The following ATP8A1 variants were observed in gnomAD, a reference collection of about 807,000 sequenced individuals.
ATP8A1 encodes ATPase phospholipid transporting 8A1, also known as phospholipid-transporting ATPase IA.
A neutral mutation model predicts 177.7 loss-of-function variants in ATP8A1; 90 were observed. That is an observed-to-expected ratio of 0.51 (90% CI 0.43 to 0.60). The LOEUF (loss-of-function observed/expected upper bound fraction) is 0.60. Ranked by LOEUF, ATP8A1 falls within the 20% of genes least tolerant of loss-of-function variation. The pLI, the probability that ATP8A1 is intolerant of heterozygous loss-of-function variation, is 0.00. For missense variants in ATP8A1, 1,072 were observed against 1,392.8 expected (o/e 0.77, Z 3.67); for synonymous variants, 493 against 485.9 (o/e 1.01, Z -0.19).
rs755973839 is a variant in ATP8A1, at chr4:42,581,633, G to C, written c.822C>G (p.Thr274=). 4 of 1,613,374 alleles carry C rather than the reference G, an allele frequency of 2.5e-6. No homozygotes were observed. Among genetic ancestry groups the C allele is most frequent in the Middle Eastern group, 1.6e-4 (1 of 6,062 alleles). The change falls in exon 10 of 37, where the codon ACC becomes ACG. Residue 274 remains threonine, a synonymous_variant. Transcript: ENST00000381668. ...AGAAAAATTTCACCTGCATCAGCTTGGTGTCATGTCCAGTGTAGACAACTA... is the reference window on the plus strand; with the variant it reads ...AGAAAAATTTCACCTGCATCAGCTTCGTGTCATGTCCAGTGTAGACAACTA... ...HGIVVYTGHD[T]KLMQNSTSPP...
At chr4:42,545,803 A>C (rs1157245032) in intron 19 of ATP8A1, among the ~76,000 whole-genome samples, 1 of 152,056 alleles carries the variant, frequency 6.6e-6, no homozygotes, top group Non-Finnish European at 1.5e-5. Flanking sequence ...GTGAAACCCT[A>C]TCTCTACTAA....
At chr4:42,515,381 G>C (rs1280472313) in intron 22 of ATP8A1, among the ~76,000 whole-genome samples, 2 of 152,188 alleles carry the variant, frequency 1.3e-5, no homozygotes, top group Non-Finnish European at 2.9e-5. Context: ...CTGTGAACTT[G>C]GCAGTCATGA....
chr4:42,581,738 A>T lies in ATP8A1; in HGVS notation c.723-6T>A, dbSNP rs767425186. 1.9e-6 allele frequency: 3 copies of T among 1,604,044 alleles called. No homozygotes were observed. Among genetic ancestry groups the T allele is most frequent in the Admixed American group, 3.4e-5 (2 of 59,556 alleles). The stretch of plus-strand genomic sequence containing the variant: ...CTGCTCCCAGTGGAACGGTGCTAGG[A>T]CAGATTACGTTGACATTAGAAACAG... On this transcript the variant is annotated splice_region_variant and splice_polypyrimidine_tract_variant and intron_variant, in intron 9 of 36. Transcript: ENST00000381668.
At chr4:42,456,614 C>T (rs1260382383) in intron 27 of ATP8A1, among the ~76,000 whole-genome samples, 3 of 152,060 alleles carry the variant, frequency 2.0e-5, no homozygotes, top group Admixed American at 2.0e-4. Context: ...ATAGTACCTA[C>T]GTTATTGTTT....
chr4:42,581,615 T>C lies in ATP8A1; in HGVS notation c.834+6A>G. The stretch of plus-strand genomic sequence containing the variant: ...GTCCAAAAGGTTTCATAGAGAAAAA[T>C]TTCACCTGCATCAGCTTGGTGTCAT... On this transcript the variant is annotated splice_donor_region_variant and intron_variant, in intron 10 of 36. Transcript: ENST00000381668. The C allele has an allele frequency of 6.2e-7, 1 of 1,609,762 alleles. No individual in the cohort carries two copies. Among genetic ancestry groups the C allele is most frequent in the Non-Finnish European group, 8.5e-7 (1 of 1,176,138 alleles).
At chr4:42,444,906 C>T (rs1287854135) in intron 31 of ATP8A1, among the ~76,000 whole-genome samples, 1 of 152,182 alleles carries the variant, frequency 6.6e-6, no homozygotes, top group Admixed American at 6.5e-5. Context: ...CCACGAGTTC[C>T]TCTGTATGTG....
chr4:42,472,776 A>G (rs1308980328), intron 25 of ATP8A1, among the ~76,000 whole-genome samples: 3 of 149,002 alleles, frequency 2.0e-5, no homozygotes. Context: ...AGAGAAAAAG[A>G]AAAAAAAGAG....
intron 5 of ATP8A1, among the ~76,000 whole-genome samples, chr4:42,608,110 T>C (rs1199863293): frequency 6.6e-6 from 1 of 152,216 alleles, no homozygotes; most frequent in East Asian, 1.9e-4. Context: ...ACAGCTTTGT[T>C]GTAATAGGTT....
At chr4:42,526,126 A>G (rs1385025578) in intron 20 of ATP8A1, among the ~76,000 whole-genome samples, 1 of 152,214 alleles carries the variant, frequency 6.6e-6, no homozygotes, top group African/African-American at 2.4e-5. Context: ...AGTGATAAGT[A>G]ATATAGCTAA....
intron 15 of ATP8A1, among the ~76,000 whole-genome samples, chr4:42,557,169 C>T (rs1028417654): frequency 2.0e-5 from 3 of 152,180 alleles, no homozygotes; most frequent in East Asian, 1.9e-4. Context: ...GTCTCCAAAT[C>T]GTAAGAAAAT....
At chr4:42,585,013 C>T (rs370636329) in intron 9 of ATP8A1, among the ~76,000 whole-genome samples, 1 of 152,266 alleles carries the variant, frequency 6.6e-6, no homozygotes, top group Non-Finnish European at 1.5e-5. Context: ...TCCAACCACA[C>T]TGCCCTAACA....
At chr4:42,476,825 T>C (rs534369403) in intron 25 of ATP8A1, among the ~76,000 whole-genome samples, 14 of 152,118 alleles carry the variant, frequency 9.2e-5, no homozygotes, top group South Asian at 2.1e-4. Flanking sequence ...AAAAAATCAA[T>C]GTCCAGAATA....
At chr4:42,648,830 T>C (rs1376073469) in intron 1 of ATP8A1, among the ~76,000 whole-genome samples, 1 of 152,164 alleles carries the variant, frequency 6.6e-6, no homozygotes, top group East Asian at 1.9e-4. Flanking sequence ...TACCAAAATA[T>C]GTTAAACCTA....
intron 25 of ATP8A1, among the ~76,000 whole-genome samples, chr4:42,478,830 A>G (rs1721361079): frequency 6.6e-6 from 1 of 152,194 alleles, no homozygotes; most frequent in Non-Finnish European, 1.5e-5. Flanking sequence ...CCTTATTTTT[A>G]GGGATTTTCT....
intron 1 of ATP8A1, among the ~76,000 whole-genome samples, chr4:42,636,401 T>C (rs931592904): frequency 1.0e-5 from 1 of 97,398 alleles, no homozygotes; most frequent in Non-Finnish European, 2.6e-5. Flanking sequence ...CAGAGACGGG[T>C]AGGGGGAGAG....
chr4:42,443,606 G>A lies in ATP8A1; in HGVS notation c.3082C>T (p.Leu1028=). The change falls in exon 33 of 37, where the codon CTG becomes TTG. Residue 1028 remains leucine, a synonymous_variant. Transcript: ENST00000381668. ...GGGGCCATCGGAATGGCAGGCCACA[G>A]AGATGAGTAGATTCCAAAAAACACC... ...WVVFFGIYSS[L]WPAIPMAPDM... 1.3e-6 allele frequency: 2 copies of A among 1,541,040 alleles called. No homozygotes were observed. Among genetic ancestry groups the A allele is most frequent in the Non-Finnish European group, 1.8e-6 (2 of 1,113,352 alleles).
Position 42,608,363 on chromosome 4 carries a change from A to ATTTTTTT in ATP8A1, c.409+7663_409+7669dup, listed in dbSNP as rs748536968. On this transcript the variant is annotated intron_variant, in intron 5 of 36. Transcript: ENST00000381668. The stretch of plus-strand genomic sequence containing the variant: ...GGTGCCCTCCCCGGGCAATAATATC[A>ATTTTTTT]TTTTTTTTTTTTTGGAGACAGAGTC... Among the ~76,000 whole-genome samples, 422 of 138,630 alleles carry ATTTTTTT rather than the reference A, an allele frequency of 3.0e-3. 8 individuals are homozygous for ATTTTTTT. The highest frequency in any genetic ancestry group is 7.5e-3 in the Middle Eastern group (2 of 268). The allele number at this position is 138,630 out of a possible 152,430, so 90.9% of individuals were successfully genotyped here. A position where few individuals can be genotyped will look rare whatever the true frequency, so the allele number is the denominator to read the frequency against.
chr4:42,502,667 A>C (rs1244549890), intron 24 of ATP8A1, among the ~76,000 whole-genome samples: 1 of 152,150 alleles, frequency 6.6e-6, no homozygotes, highest in Non-Finnish European at 1.5e-5. Context: ...AAAGACATCA[A>C]CACCATCCCT....
chr4:42,523,805 AAT>A (rs910923144), intron 21 of ATP8A1, among the ~76,000 whole-genome samples: 20 of 152,152 alleles, frequency 1.3e-4, no homozygotes, highest in African/African-American at 4.8e-4. Context: ...GAATCCTATG[AAT>A]ATATATGTTT....
Sources: gnomAD v4.1 joint callset for allele counts (sites outside exome capture counted in the v4.1 genomes callset) on GRCh38, gnomAD v4.1.1 for gene constraint, MANE v1.5 for transcripts, NCBI Gene and HGNC (gene_info 2026-07-23, HGNC 2026-07-21) for gene names.